PDE11A: variants seen among roughly 807,000 people sequenced by gnomAD.
PDE11A encodes the protein phosphodiesterase 11A.
PDE11A carries 100 observed loss-of-function variants against 100.5 expected under a neutral mutation model. The observed-to-expected ratio is 1.00, with a 90% confidence interval of 0.85 to 1.18. The LOEUF (loss-of-function observed/expected upper bound fraction) is 1.18, where lower values mean the gene tolerates loss of function less well. PDE11A is among the 50% of genes most tolerant of loss of function. PDE11A has a pLI of 0.00. For missense variants in PDE11A, 1,141 were observed against 1,152.6 expected (o/e 0.99, Z 0.15); for synonymous variants, 381 against 420.8 (o/e 0.91, Z 1.16).
intron 5 of PDE11A, among the ~76,000 whole-genome samples, chr2:177,853,669 T>C (rs2083763203): frequency 2.9e-5 from 1 of 34,570 alleles, no homozygotes; most frequent in African/African-American, 9.4e-5. Flanking sequence ...TATATATATA[T>C]ATATATATAT....
chr2:177,695,043 C>G (rs1377952112), intron 15 of PDE11A, among the ~76,000 whole-genome samples: 1 of 148,530 alleles, frequency 6.7e-6, no homozygotes, highest in African/African-American at 2.5e-5. Context: ...CTATCGGATG[C>G]TGAAAAAATG....
intron 2 of PDE11A, among the ~76,000 whole-genome samples, chr2:177,935,744 A>G (rs1393821778): frequency 6.6e-6 from 1 of 152,184 alleles, no homozygotes; most frequent in African/African-American, 2.4e-5. Flanking sequence ...CAGAAGACCT[A>G]GGTTTAAGGC....
intron 12 of PDE11A, among the ~76,000 whole-genome samples, chr2:177,725,446 T>C (rs1359273104): frequency 6.6e-6 from 1 of 152,142 alleles, no homozygotes; most frequent in Non-Finnish European, 1.5e-5. Context: ...AAAATAACGT[T>C]GTATTCTTTC....
intron 1 of PDE11A, among the ~76,000 whole-genome samples, chr2:178,015,636 G>A (rs952322565): frequency 6.6e-6 from 1 of 152,080 alleles, no homozygotes; most frequent in Admixed American, 6.6e-5. Context: ...TGATACTGGT[G>A]TTGTAATTAT....
intron 12 of PDE11A, among the ~76,000 whole-genome samples, chr2:177,721,122 G>C (rs2105439077): frequency 6.6e-6 from 1 of 152,140 alleles, no homozygotes; most frequent in South Asian, 2.1e-4. Flanking sequence ...TTTTTAACCT[G>C]TTTATTAGCA....
At position 177,637,993 on chromosome 2, in the gene PDE11A, A is replaced by AT. The variant is rs1275015677; in HGVS notation, c.2647-8432dup. ...TATATACACGTGTATATATATATATATATATTTTTTTTTTTTTTTTTTTTG... is the reference window on the plus strand; with the variant it reads ...TATATACACGTGTATATATATATATATTATATTTTTTTTTTTTTTTTTTTTG... On this transcript the variant is annotated intron_variant, in intron 19 of 19. Transcript: ENST00000286063. 7.3e-4 allele frequency among the ~76,000 whole-genome samples: 36 copies of AT among 49,316 alleles called. 2 individuals carry two copies. The highest frequency in any genetic ancestry group is 2.3e-3 in the South Asian group (3 of 1,310). The allele number at this position is 49,316 out of a possible 152,430, so 32.4% of individuals were successfully genotyped here. A position where few individuals can be genotyped will look rare whatever the true frequency, so the allele number is the denominator to read the frequency against.
intron 9 of PDE11A, among the ~76,000 whole-genome samples, chr2:177,788,110 T>G (rs964034985): frequency 6.6e-6 from 1 of 151,950 alleles, no homozygotes; most frequent in African/African-American, 2.4e-5. Context: ...ACACCACACC[T>G]ATTCCAAAAT....
chr2:177,890,283 G>T (rs1383352359), intron 4 of PDE11A, among the ~76,000 whole-genome samples: 1 of 152,116 alleles, frequency 6.6e-6, no homozygotes, highest in Non-Finnish European at 1.5e-5. Flanking sequence ...AGGATGACTT[G>T]TCTGCAACTT....
At chr2:177,825,869 A>G (rs1208310223) in intron 6 of PDE11A, among the ~76,000 whole-genome samples, 2 of 152,172 alleles carry the variant, frequency 1.3e-5, no homozygotes, top group Non-Finnish European at 2.9e-5. Context: ...TTTTGGCCTC[A>G]CAGCTGATTC....
chr2:178,040,852 A>G (rs2086674871), intron 1 of PDE11A, among the ~76,000 whole-genome samples: 1 of 152,196 alleles, frequency 6.6e-6, no homozygotes, highest in South Asian at 2.1e-4. Flanking sequence ...TATGACTTTC[A>G]TAATAGTGTC....
At chr2:177,717,018 A>G (rs574995479) in intron 12 of PDE11A, among the ~76,000 whole-genome samples, 1 of 152,268 alleles carries the variant, frequency 6.6e-6, no homozygotes, top group South Asian at 2.1e-4. Flanking sequence ...GGATACTTTT[A>G]AGAACATAAC....
At chr2:177,712,359 T>TA (rs397873858) in intron 12 of PDE11A, among the ~76,000 whole-genome samples, 1 of 150,158 alleles carries the variant, frequency 6.7e-6, no homozygotes, top group Non-Finnish European at 1.5e-5. Flanking sequence ...TTTTTTTTTT[T>TA]AACATTAAAA....
chr2:177,908,723 C>CT (rs2105739930), intron 2 of PDE11A, among the ~76,000 whole-genome samples: 2 of 152,310 alleles, frequency 1.3e-5, no homozygotes, highest in South Asian at 4.1e-4. Flanking sequence ...CCACACATGG[C>CT]TAGAGAGGTT....
chr2:177,944,958 G>A (rs1398934235), intron 2 of PDE11A, among the ~76,000 whole-genome samples: 1 of 149,776 alleles, frequency 6.7e-6, no homozygotes, highest in South Asian at 2.2e-4. Flanking sequence ...AGCCTGCTGA[G>A]TGCCTGCCAT....
chr2:178,078,292 C>T (rs903609007), intron 2 of PDE11A, among the ~76,000 whole-genome samples: 2 of 152,134 alleles, frequency 1.3e-5, no homozygotes, highest in Admixed American at 1.3e-4. Flanking sequence ...TGTCCTGCTT[C>T]CACACATTTG....
intron 1 of PDE11A, among the ~76,000 whole-genome samples, chr2:178,060,616 C>T (rs1032879901): frequency 6.6e-6 from 1 of 152,090 alleles, no homozygotes; most frequent in Non-Finnish European, 1.5e-5. Flanking sequence ...AACTGGGAAT[C>T]GAATTCGGTC....
intron 19 of PDE11A, among the ~76,000 whole-genome samples, chr2:177,644,089 G>T (rs1302497158): frequency 6.6e-6 from 1 of 152,222 alleles, no homozygotes; most frequent in Non-Finnish European, 1.5e-5. Context: ...AGGGAATGTG[G>T]GGGGGAGCCC....
At chr2:177,948,846 G>A (rs2105781440) in intron 2 of PDE11A, among the ~76,000 whole-genome samples, 1 of 152,270 alleles carries the variant, frequency 6.6e-6, no homozygotes, top group African/African-American at 2.4e-5. Context: ...GGAGTTCAAG[G>A]CTGCAGTGAG....
chr2:177,719,337 C>T (rs1020243732), intron 12 of PDE11A, among the ~76,000 whole-genome samples: 1 of 152,146 alleles, frequency 6.6e-6, no homozygotes, highest in Non-Finnish European at 1.5e-5. Context: ...ACTAGAAATT[C>T]CTAATGGTTG....
Sources: gnomAD v4.1 joint callset for allele counts (sites outside exome capture counted in the v4.1 genomes callset) on GRCh38, gnomAD v4.1.1 for gene constraint, MANE v1.5 for transcripts, NCBI Gene and HGNC (gene_info 2026-07-23, HGNC 2026-07-21) for gene names.